TECRL: variants seen among roughly 807,000 people sequenced by gnomAD.
The protein encoded by TECRL is trans-2,3-enoyl-CoA reductase-like.
TECRL carries 63 observed loss-of-function variants against 52.8 expected under a neutral mutation model. The ratio of observed to expected loss-of-function variants is 1.19; its 90% confidence interval spans 0.97 to 1.47. The LOEUF is 1.47. Ranked by LOEUF, TECRL falls within the 40% of genes most tolerant of loss-of-function variation. The probability of loss-of-function intolerance (pLI) is 0.00; values close to 1 mark genes in which losing one functional copy is unlikely to be tolerated. For missense variants in TECRL, 482 were observed against 429.6 expected (o/e 1.12, Z -1.08); for synonymous variants, 164 against 141.9 (o/e 1.16, Z -1.10).
chr4:64,388,478 A>G (rs1471962236), intron 1 of TECRL, among the ~76,000 whole-genome samples: 3 of 151,776 alleles, frequency 2.0e-5, no homozygotes, highest in African/African-American at 7.2e-5. Flanking sequence ...CCTGGTTCTT[A>G]TTTGTCAATA....
chr4:64,313,949 C>T (rs1446406823), intron 5 of TECRL, among the ~76,000 whole-genome samples: 5 of 130,380 alleles, frequency 3.8e-5, no homozygotes, highest in Non-Finnish European at 7.9e-5. Context: ...CTGGCTAACA[C>T]GGTGAAATCC....
intron 6 of TECRL, among the ~76,000 whole-genome samples, chr4:64,306,146 C>T (rs1430286819): frequency 6.6e-6 from 1 of 152,058 alleles, no homozygotes; most frequent in East Asian, 1.9e-4. Context: ...TATATGAAAC[C>T]AAACAAAACA....
intron 2 of TECRL, among the ~76,000 whole-genome samples, chr4:64,347,570 A>G (rs1458634577): frequency 1.3e-5 from 2 of 152,172 alleles, no homozygotes; most frequent in African/African-American, 2.4e-5. Flanking sequence ...ACTTACAATC[A>G]TGGTGCAAGG....
chr4:64,346,212 G>A (rs1446154694), intron 2 of TECRL, among the ~76,000 whole-genome samples: 1 of 152,144 alleles, frequency 6.6e-6, no homozygotes, highest in Non-Finnish European at 1.5e-5. Context: ...AAGCATCTGT[G>A]GCTTTTCCAG....
At chr4:64,397,178 G>A (rs562994353) in intron 1 of TECRL, among the ~76,000 whole-genome samples, 31 of 152,064 alleles carry the variant, frequency 2.0e-4, no homozygotes, top group African/African-American at 5.3e-4. Flanking sequence ...TTCTATGTAG[G>A]GAGATTGCCT....
At chr4:64,376,527 A>T (rs1441975801) in intron 1 of TECRL, among the ~76,000 whole-genome samples, 1 of 151,914 alleles carries the variant, frequency 6.6e-6, no homozygotes, top group Non-Finnish European at 1.5e-5. Flanking sequence ...TAATATTTAA[A>T]TTTAATTTTT....
intron 2 of TECRL, among the ~76,000 whole-genome samples, chr4:64,360,521 G>T (rs921410685): frequency 2.0e-5 from 3 of 152,062 alleles, no homozygotes; most frequent in Non-Finnish European, 4.4e-5. Flanking sequence ...AAAATTGTGG[G>T]GAACAGCCAA....
At chr4:64,379,140 C>G (rs1304253738) in intron 1 of TECRL, among the ~76,000 whole-genome samples, 1 of 151,684 alleles carries the variant, frequency 6.6e-6, no homozygotes, top group East Asian at 1.9e-4. Flanking sequence ...GAATAATGCT[C>G]TTTTATATGA....
At chr4:64,388,734 T>C (rs1723348093) in intron 1 of TECRL, among the ~76,000 whole-genome samples, 1 of 151,944 alleles carries the variant, frequency 6.6e-6, no homozygotes, top group Non-Finnish European at 1.5e-5. Flanking sequence ...ATGCTGGTTA[T>C]GTAAATGTTT....
At chr4:64,403,584 A>C (rs1724509706) in intron 1 of TECRL, among the ~76,000 whole-genome samples, 1 of 151,984 alleles carries the variant, frequency 6.6e-6, no homozygotes, top group Non-Finnish European at 1.5e-5. Context: ...ACACATAAAT[A>C]TAACTTCTCC....
downstream of TECRL, chr4:64,277,102 A>T: frequency 7.4e-7 from 1 of 1,347,684 alleles, no homozygotes; most frequent in Non-Finnish European, 1.0e-6. Flanking sequence ...CATAATTAAG[A>T]TATCCTTTAA....
chr4:64,287,810 T>A (rs1723157076), intron 9 of TECRL, among the ~76,000 whole-genome samples: 1 of 152,174 alleles, frequency 6.6e-6, no homozygotes, highest in Non-Finnish European at 1.5e-5. Context: ...GGAAATGATG[T>A]TAGACAAAAA....
chr4:64,392,066 T>C (rs1302651433), intron 1 of TECRL, among the ~76,000 whole-genome samples: 1 of 151,958 alleles, frequency 6.6e-6, no homozygotes, highest in Non-Finnish European at 1.5e-5. Flanking sequence ...TTAACTGGTG[T>C]ATCTGCCCTG....
chr4:64,359,593 G>A lies in TECRL; in HGVS notation c.286+15579C>T, dbSNP rs553087222. 7.2e-5 allele frequency among the ~76,000 whole-genome samples: 11 copies of A among 151,906 alleles called. No homozygotes were observed. In the East Asian group the frequency reaches 2.1e-3, roughly 29 times the overall value. ...GATGAATCAAAATAACATTGACATTGCACAGCAGTACATAGTTTTAATGCT... is the reference window on the plus strand; with the variant it reads ...GATGAATCAAAATAACATTGACATTACACAGCAGTACATAGTTTTAATGCT... On this transcript the variant is annotated intron_variant, in intron 2 of 11. Coordinates refer to ENST00000381210, the MANE Select transcript of TECRL (RefSeq NM_001010874.5).
chr4:64,306,670 C>T (rs1249306865), intron 6 of TECRL, among the ~76,000 whole-genome samples: 1 of 152,114 alleles, frequency 6.6e-6, no homozygotes, highest in Non-Finnish European at 1.5e-5. Context: ...TTCCTTTCTC[C>T]AGTCAAGGAG....
At chr4:64,407,110 C>A (rs1724785522) in intron 1 of TECRL, among the ~76,000 whole-genome samples, 1 of 151,876 alleles carries the variant, frequency 6.6e-6, no homozygotes. Flanking sequence ...CAAGACACAG[C>A]AAGATCCACT....
At chr4:64,378,093 G>C (rs1271866837) in intron 1 of TECRL, among the ~76,000 whole-genome samples, 1 of 152,044 alleles carries the variant, frequency 6.6e-6, no homozygotes, top group African/African-American at 2.4e-5. Context: ...TAAATAATTA[G>C]ATATAGTGGT....
At chr4:64,329,656 T>C (rs935279379) in intron 2 of TECRL, among the ~76,000 whole-genome samples, 2 of 151,880 alleles carry the variant, frequency 1.3e-5, no homozygotes, top group Admixed American at 6.6e-5. Context: ...ACATAAAACA[T>C]AGCTGAGAGA....
At chr4:64,358,607 T>G (rs2109603686) in intron 2 of TECRL, among the ~76,000 whole-genome samples, 1 of 151,814 alleles carries the variant, frequency 6.6e-6, no homozygotes, top group East Asian at 1.9e-4. Flanking sequence ...GTAATTTGTA[T>G]TTTGGGAAAA....
Sources: gnomAD v4.1 joint callset for allele counts (sites outside exome capture counted in the v4.1 genomes callset) on GRCh38, gnomAD v4.1.1 for gene constraint, MANE v1.5 for transcripts, NCBI Gene and HGNC (gene_info 2026-07-23, HGNC 2026-07-21) for gene names.